The following SPOUT1 variants were observed in gnomAD, a reference collection of about 807,000 sequenced individuals.
SPOUT1 encodes SPOUT domain containing methyltransferase 1.
A neutral mutation model predicts 54.8 loss-of-function variants in SPOUT1; 40 were observed. That is an observed-to-expected ratio of 0.73 (90% confidence interval 0.57 to 0.95). The LOEUF (loss-of-function observed/expected upper bound fraction) is 0.95. Among genes scored for constraint, SPOUT1 ranks in the 40% least tolerant of loss-of-function variants. The pLI is 0.00. For synonymous variants in SPOUT1, 193 were observed against 200.3 expected, an observed-to-expected ratio of 0.96 and a Z score of 0.31; for missense variants, 437 against 499.5, an observed-to-expected ratio of 0.87 and a Z score of 1.19.
In SPOUT1 at chr9:128,827,031, CT is replaced by C. The variant is rs1830255057; in HGVS notation, c.368del (p.Lys123ArgfsTer33). On this transcript the variant is annotated frameshift_variant and splice_region_variant, in exon 4 of 12. Coordinates refer to ENST00000361256, the MANE Select transcript of SPOUT1 (RefSeq NM_016390.4). LOFTEE classifies it high-confidence loss of function. ...TGGCACCCTGTGGGATGGCCCCTTA[CT>C]TGGCATCCTGGCCCTCCTCATCAAA... Reference protein sequence around the residue: ...VVFDEEGQDAKTVEGEFTGVG... With the variant: ...VVFDEEGQDAXTVEGEFTGVG... 6.2e-7 allele frequency: 1 copy of C among 1,613,482 alleles called. No homozygotes were observed. Among genetic ancestry groups the C allele is most frequent in the Non-Finnish European group, 8.5e-7 (1 of 1,179,600 alleles).
Position 128,822,594 on chromosome 9 carries a change from C to T in SPOUT1, c.*171G>A, listed in dbSNP as rs140555834. 29 of 1,569,310 alleles carry T rather than the reference C, an allele frequency of 1.8e-5. No individual in the cohort carries two copies. Among genetic ancestry groups the T allele is most frequent in the African/African-American group, 8.1e-5 (6 of 74,258 alleles). On this transcript the variant is annotated 3_prime_UTR_variant, in exon 12 of 12. Transcript: ENST00000361256. Reference sequence around the variant, plus strand: ...CGGGCAGGCAGCCTCAAGGCCATCACGGCGGGCAGTAAGTGAGGGTGGAGC... The same window carrying T: ...CGGGCAGGCAGCCTCAAGGCCATCATGGCGGGCAGTAAGTGAGGGTGGAGC...
rs1021967194 is a variant in SPOUT1 at position 128,827,340 on chromosome 9, CTG to C, written c.209-151_209-150del. 3.1e-5 allele frequency: 21 copies of C among 682,746 alleles called. No individual in the cohort carries two copies. In the East Asian group the frequency reaches 4.9e-4, roughly 16 times the overall value. The allele number at this position is 682,746 out of a possible 1,614,324, so 42.3% of individuals were successfully genotyped here. A position where few individuals can be genotyped will look rare whatever the true frequency, so the allele number is the denominator to read the frequency against. ...AGCAAAATAGATCCAGCTCCCCTCT[CTG>C]GGCCTCAGTCTCCCAGCAGTCTCCA... On this transcript the variant is annotated intron_variant, in intron 3 of 11. Transcript: ENST00000361256.
intron 7 of SPOUT1, 136 bp downstream of exon 7, chr9:128,825,886 C>T: frequency 8.8e-7 from 1 of 1,133,860 alleles, no homozygotes; most frequent in South Asian, 1.4e-5. Context: ...CCCCATTTTG[C>T]ACAATTCTCT....
In SPOUT1 at chr9:128,820,866, G is replaced by C. The variant is rs755527226; in HGVS notation, c.*1899C>G. 4 of 1,590,554 alleles carry C rather than the reference G, an allele frequency of 2.5e-6. No homozygotes were observed. The African/African-American group carries it at 5.4e-5, about 21-fold the overall frequency. On this transcript the variant is annotated 3_prime_UTR_variant, in exon 12 of 12. Coordinates refer to ENST00000361256, the MANE Select transcript of SPOUT1 (RefSeq NM_016390.4). ...CTGCCCAGGTAAGGTGGAAACCAGG[G>C]GGGCGGCAGAACCTCCCACTCACCT...
rs1830102639 is a variant in SPOUT1 at position 128,821,014 on chromosome 9, C to T, written c.*1751G>A. The stretch of plus-strand genomic sequence containing the variant: ...CCCTGCCTCGAGTCCCCTCATTCCA[C>T]CTCCACAGCCAAAGACCTGTCGGGT... On this transcript the variant is annotated 3_prime_UTR_variant, in exon 12 of 12. Coordinates refer to ENST00000361256, the MANE Select transcript of SPOUT1 (RefSeq NM_016390.4). 3.1e-6 allele frequency: 2 copies of T among 635,724 alleles called. No individual in the cohort carries two copies. The highest frequency in any genetic ancestry group is 2.6e-5 in the Admixed American group (1 of 38,328). The allele number at this position is 635,724 out of a possible 1,614,324, so 39.4% of individuals were successfully genotyped here. A position where few individuals can be genotyped will look rare whatever the true frequency, so the allele number is the denominator to read the frequency against.
In SPOUT1 at chr9:128,821,705, G is replaced by A. The variant is rs1176611702; in HGVS notation, c.*1060C>T. 1.9e-5 allele frequency: 3 copies of A among 159,684 alleles called. No individual in the cohort carries two copies. The East Asian group carries it at 5.7e-4, about 30-fold the overall frequency. The allele number at this position is 159,684 out of a possible 1,614,324, so 9.9% of individuals were successfully genotyped here. ...ATCCACAGGCTCGGGATGGAGTCCA[G>A]GCCTCATCACCTAGTTCCTTGGTGC... On this transcript the variant is annotated 3_prime_UTR_variant, in exon 12 of 12. Coordinates refer to ENST00000361256, the MANE Select transcript of SPOUT1 (RefSeq NM_016390.4).
In SPOUT1 at chr9:128,828,730, C is replaced by T. The variant is rs1480606486; in HGVS notation, c.208+5G>A. ...CCTGTGGCCCTCCCCAAGACCCCAG[C>T]TCACCGCGGTCCTCCTTCTCTGCCG... On this transcript the variant is annotated splice_donor_5th_base_variant and intron_variant, in intron 3 of 11. Coordinates refer to ENST00000361256, the MANE Select transcript of SPOUT1 (RefSeq NM_016390.4). 5.0e-6 allele frequency: 8 copies of T among 1,613,250 alleles called. No homozygotes were observed. The East Asian group carries it at 8.9e-5, about 18-fold the overall frequency.
chr9:128,822,919 C>A, intron 11 of SPOUT1, 86 bp from the exon 12 acceptor site: 5 of 1,000,516 alleles, frequency 5.0e-6, no homozygotes. Context: ...CCTGGCTGCC[C>A]GAGACCTGGC....
Position 128,822,465 on chromosome 9 carries a change from C to G in SPOUT1, c.*300G>C. On this transcript the variant is annotated 3_prime_UTR_variant, in exon 12 of 12. Transcript: ENST00000361256. ...ATTGAGCTCCGCACCTACGTGATGCCCAACGCACCTGTGGATGAGGCCATC... is the reference window on the plus strand; with the variant it reads ...ATTGAGCTCCGCACCTACGTGATGCGCAACGCACCTGTGGATGAGGCCATC... The G allele has an allele frequency of 6.3e-7, 1 of 1,575,680 alleles. No individual in the cohort carries two copies. The highest frequency in any genetic ancestry group is 8.6e-7 in the Non-Finnish European group (1 of 1,160,392).
chr9:128,829,053 T>G, intron 2 of SPOUT1, 57 bp downstream of exon 2: 1 of 1,543,366 alleles, frequency 6.5e-7, no homozygotes, highest in Non-Finnish European at 9.0e-7. Context: ...CTCCAGGGTT[T>G]GACTGAGCAC....
intron 11 of SPOUT1, 71 bp downstream of exon 11, chr9:128,823,676 G>A (rs939766425): frequency 7.1e-6 from 10 of 1,410,156 alleles, no homozygotes; most frequent in Admixed American, 4.3e-5. Flanking sequence ...GACAGGGCAA[G>A]AGTAGCACCC....
chr9:128,824,004 C>T (rs1589593012), intron 10 of SPOUT1, 68 bp downstream of exon 10: 1 of 1,577,240 alleles, frequency 6.3e-7, no homozygotes, highest in East Asian at 2.2e-5. Flanking sequence ...ATCTGTGCAG[C>T]TTCACCCACC....
chr9:128,827,708 G>C (rs189605883), intron 3 of SPOUT1, among the ~76,000 whole-genome samples: 2 of 152,334 alleles, frequency 1.3e-5, no homozygotes, highest in East Asian at 3.9e-4. Context: ...ACCTGAGTGA[G>C]GTCAGGAGTT....
Position 128,822,816 on chromosome 9 carries a change from G to C in SPOUT1, c.1080C>G (p.Ser360=). ...TGAGGCCAGGCTGCAGGGCGGCCAGGGAGATGAGGATGGCTTCCTGGAAGA... is the reference window on the plus strand; with the variant it reads ...TGAGGCCAGGCTGCAGGGCGGCCAGCGAGATGAGGATGGCTTCCTGGAAGA... ...TIRTEEAILI[S]LAALQPGLIQ... Residue 360 remains serine (S), a synonymous_variant, in exon 12 of 12, where the codon TCC becomes TCG. Transcript: ENST00000361256. 1 of 1,590,888 alleles carries C rather than the reference G, an allele frequency of 6.3e-7. No individual in the cohort carries two copies. Among genetic ancestry groups the C allele is most frequent in the Non-Finnish European group, 8.6e-7 (1 of 1,167,870 alleles).
At position 128,829,732 on chromosome 9, in the gene SPOUT1, C is replaced by G. The variant is rs758289007; in HGVS notation, c.36+13G>C. On this transcript the variant is annotated intron_variant, in intron 1 of 11. Transcript: ENST00000361256. ...CATGCTGCCCTGCACGGGGTCCCGCCGCCCGCACTTACCGGGCCGCACGGC... is the reference window on the plus strand; with the variant it reads ...CATGCTGCCCTGCACGGGGTCCCGCGGCCCGCACTTACCGGGCCGCACGGC... The G allele has an allele frequency of 6.3e-7, 1 of 1,592,132 alleles. No homozygotes were observed. The highest frequency in any genetic ancestry group is 8.6e-7 in the Non-Finnish European group (1 of 1,168,014).
Position 128,822,383 on chromosome 9 carries a change from G to C in SPOUT1, c.*382C>G. ...GTACCAGGTCATCGGCAAGAACCACGTGGCAGTGCCCACACACTTCTTCAA... is the reference window on the plus strand; with the variant it reads ...GTACCAGGTCATCGGCAAGAACCACCTGGCAGTGCCCACACACTTCTTCAA... On this transcript the variant is annotated 3_prime_UTR_variant, in exon 12 of 12. Transcript: ENST00000361256. 3.1e-6 allele frequency: 5 copies of C among 1,613,678 alleles called. No homozygotes were observed. Among genetic ancestry groups the C allele is most frequent in the Non-Finnish European group, 4.2e-6 (5 of 1,179,882 alleles).
At chr9:128,823,676 G>C in intron 11 of SPOUT1, 71 bp downstream of exon 11, 1 of 1,410,274 alleles carries the variant, frequency 7.1e-7, no homozygotes. Context: ...GACAGGGCAA[G>C]AGTAGCACCC....
In SPOUT1 at chr9:128,826,029, A is replaced by G; in HGVS notation, c.632T>C (p.Met211Thr). The change falls in exon 7 of 12, where the codon ATG becomes ACG. Residue 211 changes from methionine to threonine, a missense_variant. By Grantham distance (81) the Met-to-Thr change is moderately conservative. Transcript: ENST00000361256. This position sits in a 1 kb window ranked among gnomAD's most constrained non-coding sequence, Gnocchi z 5.5. ...CCATCTTTCTGTTCCTACCTTTTTC[A>G]TGCCACAGTTGACAAAGGAGCCGTG... is the stretch of plus-strand genomic sequence containing the variant. ...PGHGSFVNCG[M>T]KKEVKIDKNL... 6.2e-7 allele frequency: 1 copy of G among 1,613,944 alleles called. No individual in the cohort carries two copies. The highest frequency in any genetic ancestry group is 8.5e-7 in the Non-Finnish European group (1 of 1,179,974).
intron 7 of SPOUT1, among the ~76,000 whole-genome samples, chr9:128,825,800 T>C (rs1472973135): frequency 6.6e-6 from 1 of 152,210 alleles, no homozygotes; most frequent in Non-Finnish European, 1.5e-5. Flanking sequence ...AGGGTTTTGT[T>C]TGGAGCATGA....
Sources: allele counts gnomAD v4.1 joint callset (sites outside exome capture counted in the v4.1 genomes callset), GRCh38; gene constraint gnomAD v4.1.1; non-coding constraint Gnocchi (gnomAD v3.1); transcripts MANE v1.5; gene names NCBI Gene and HGNC (gene_info 2026-07-23, HGNC 2026-07-21).